RELB: variants seen among roughly 807,000 people sequenced by gnomAD.
The protein encoded by RELB is RELB proto-oncogene, NF-kB subunit.
Under a neutral mutation model 55.4 loss-of-function variants are expected in RELB, and 14 were observed. That is an observed-to-expected ratio of 0.25 (90% CI 0.17 to 0.40). The LOEUF is 0.40. Ranked by LOEUF, RELB falls within the 10% of genes least tolerant of loss-of-function variation. RELB has a pLI of 1.00. For synonymous variants in RELB, 409 were observed against 371.3 expected (o/e 1.10, Z -1.17); for missense variants, 669 against 830.7 (o/e 0.81, Z 2.39).
At chr19:45,025,979 T>C (rs1039792100) in intron 7 of RELB, among the ~76,000 whole-genome samples, 6 of 151,980 alleles carry the variant, frequency 3.9e-5, no homozygotes, top group African/African-American at 1.5e-4. Context: ...CGGTGGCTCA[T>C]GCCGGTAATC....
In RELB at chr19:45,025,687, G is replaced by T; in HGVS notation, c.836G>T (p.Gly279Val). 6.2e-7 allele frequency: 1 copy of T among 1,614,020 alleles called. No individual in the cohort carries two copies. The highest frequency in any genetic ancestry group is 8.5e-7 in the Non-Finnish European group (1 of 1,179,904). The change falls in exon 7 of 12, where the codon GGA becomes GTA. Residue 279 changes from glycine (G) to valine (V), a missense_variant. Around this residue, in one of 3 missense-constraint regions of RELB, gnomAD observed 341 missense variants for 436.8 expected, o/e 0.78. Coordinates refer to ENST00000221452, the MANE Select transcript of RELB (RefSeq NM_006509.4). ...CAGGCCTCATATCGGGACCAGCAGG[G>T]ACAGATGCGCCGGATGGATCCTGTG... Reference protein sequence around the residue: ...CFQASYRDQQGQMRRMDPVLS... With the variant: ...CFQASYRDQQVQMRRMDPVLS...
chr19:45,029,962 G>A (rs1971601290), intron 8 of RELB, among the ~76,000 whole-genome samples: 1 of 152,054 alleles, frequency 6.6e-6, no homozygotes, highest in Admixed American at 6.6e-5. Context: ...GAACTCAGGA[G>A]TTCGAGACCA....
At chr19:45,019,803 G>C (rs112380717) in intron 4 of RELB, among the ~76,000 whole-genome samples, 1,958 of 152,092 alleles carry the variant, frequency 0.013, 19 homozygotes, top group Non-Finnish European at 0.018. Context: ...TCAGCCTCCC[G>C]AGTAGCTGGG....
intron 1 of RELB, 80 bp from the exon 2 acceptor site, chr19:45,002,869 G>A: frequency 8.2e-7 from 1 of 1,217,794 alleles, no homozygotes; most frequent in Non-Finnish European, 1.2e-6. Context: ...AGAAGAGGAA[G>A]GGGTGGGGCT....
chr19:45,036,394 A>G (rs1409227781), intron 11 of RELB, among the ~76,000 whole-genome samples: 1 of 151,838 alleles, frequency 6.6e-6, no homozygotes, highest in African/African-American at 2.4e-5. Flanking sequence ...CTTATAATGA[A>G]ACTTTTTGAT....
Position 45,012,229 on chromosome 19 carries a change from C to A in RELB, c.457C>A (p.Leu153Ile), listed in dbSNP as rs1971370477. The change falls in exon 4 of 12, where the codon CTT (leucine) becomes ATT (isoleucine). Residue 153 changes from leucine to isoleucine, a missense_variant. Leu to Ile is a conservative substitution (Grantham distance 5). Transcript: ENST00000221452. ...ECEGRSAGSI[L>I]GESSTEASKT... Reference sequence around the variant, plus strand: ...CGAGGGCCGCTCGGCCGGCAGCATCCTTGGGGAGAGCAGCACCGAGGCCAG... The same window carrying A: ...CGAGGGCCGCTCGGCCGGCAGCATCATTGGGGAGAGCAGCACCGAGGCCAG... The A allele has an allele frequency of 6.7e-7, 1 of 1,482,506 alleles. No individual in the cohort carries two copies. The highest frequency in any genetic ancestry group is 2.6e-5 in the Admixed American group (1 of 38,596). The allele number at this position is 1,482,506 out of a possible 1,614,324, so 91.8% of individuals were successfully genotyped here.
chr19:45,007,883 G>A (rs1048865533), intron 2 of RELB, among the ~76,000 whole-genome samples: 3 of 147,830 alleles, frequency 2.0e-5, no homozygotes, highest in African/African-American at 5.0e-5. Context: ...TAGGCTGGGC[G>A]TGGTGGCTCA....
intron 2 of RELB, among the ~76,000 whole-genome samples, chr19:45,006,969 A>G (rs1249237823): frequency 1.3e-5 from 2 of 151,844 alleles, no homozygotes; most frequent in Non-Finnish European, 2.9e-5. Flanking sequence ...AAAAAAAAAA[A>G]AAAGAAAATG....
At position 45,011,916 on chromosome 19, in the gene RELB, C is replaced by A; in HGVS notation, c.164-20C>A. ...TTTTTAAAGAATGGGCGTCACCACC[C>A]GTTTTTTCTTCTCCCGCAGAGATCA... On this transcript the variant is annotated intron_variant, in intron 3 of 11. Coordinates refer to ENST00000221452, the MANE Select transcript of RELB (RefSeq NM_006509.4). 6.9e-7 allele frequency: 1 copy of A among 1,445,992 alleles called. No individual in the cohort carries two copies. Among genetic ancestry groups the A allele is most frequent in the Non-Finnish European group, 9.1e-7 (1 of 1,094,836 alleles). The allele number at this position is 1,445,992 out of a possible 1,614,324, so 89.6% of individuals were successfully genotyped here.
At chr19:45,004,683 C>A (rs544802167) in intron 2 of RELB, among the ~76,000 whole-genome samples, 68 of 151,322 alleles carry the variant, frequency 4.5e-4, no homozygotes, top group African/African-American at 1.6e-3. Context: ...GGCTGACCAA[C>A]ATGGAGAAAC....
At chr19:45,009,578 G>A (rs537563857) in intron 2 of RELB, among the ~76,000 whole-genome samples, 43 of 152,136 alleles carry the variant, frequency 2.8e-4, no homozygotes, top group Non-Finnish European at 5.0e-4. Flanking sequence ...GGCTTAGTTG[G>A]AGGATACCCT....
In RELB at chr19:45,012,603, G is replaced by C. The variant is rs150558321; in HGVS notation, c.504+327G>C. ...TACTAAAAGTACACAAATTAGCCGA[G>C]TGTGGTGGCACAATCCCAGCTATTT... On this transcript the variant is annotated intron_variant, in intron 4 of 11. Coordinates refer to ENST00000221452, the MANE Select transcript of RELB (RefSeq NM_006509.4). Among the ~76,000 whole-genome samples, 289 of 152,048 alleles carry C rather than the reference G, an allele frequency of 1.9e-3. 2 individuals carry two copies. The highest frequency in any genetic ancestry group is 6.7e-3 in the African/African-American group (276 of 41,502).
intron 2 of RELB, chr19:45,008,470 C>A (rs966030736): frequency 4.4e-6 from 2 of 456,144 alleles, no homozygotes; most frequent in Admixed American, 2.4e-5. Context: ...TCATCCAGCA[C>A]AGATGCCTAA....
intron 9 of RELB, among the ~76,000 whole-genome samples, 172 bp from the exon 10 acceptor site, chr19:45,034,072 T>A (rs938905615): frequency 4.0e-5 from 6 of 151,748 alleles, no homozygotes; most frequent in Admixed American, 3.9e-4. Flanking sequence ...GGCAGGAGAA[T>A]CACTTGAACC....
rs1273654353 is a variant in RELB, at chr19:45,011,793, TGTGTGAGAGAGAGAGAGAGA to T, written c.164-141_164-122del. On this transcript the variant is annotated intron_variant, in intron 3 of 11. Coordinates refer to ENST00000221452, the MANE Select transcript of RELB (RefSeq NM_006509.4). Reference sequence around the variant, plus strand: ...GTGTGTGTGTGTGTGTGTGTGTGTGTGTGTGAGAGAGAGAGAGAGAGAGAGAGAGAGAGAGAGAGAGATAA... The same window carrying T: ...GTGTGTGTGTGTGTGTGTGTGTGTGTGAGAGAGAGAGAGAGAGAGAGATAA... 491 of 227,968 alleles carry T rather than the reference TGTGTGAGAGAGAGAGAGAGA, an allele frequency of 2.2e-3. 3 individuals carry two copies. The highest frequency in any genetic ancestry group is 2.9e-3 in the Non-Finnish European group (397 of 135,988). 14.1% of individuals were successfully genotyped at this position (227,968 alleles called of 1,614,324 possible).
At chr19:45,028,597 G>A (rs991410861) in intron 7 of RELB, among the ~76,000 whole-genome samples, 6 of 152,124 alleles carry the variant, frequency 3.9e-5, no homozygotes, top group African/African-American at 1.2e-4. Context: ...GCCTCCCAAA[G>A]AGCTGGGATT....
intron 11 of RELB, 54 bp downstream of exon 11, chr19:45,034,582 G>A: frequency 6.7e-7 from 1 of 1,494,082 alleles, no homozygotes; most frequent in African/African-American, 1.4e-5. Flanking sequence ...GAGGGTAAGT[G>A]GCAGCCCTGC....
chr19:45,011,162 T>TTTA (rs1004684401), intron 3 of RELB, among the ~76,000 whole-genome samples: 3 of 149,592 alleles, frequency 2.0e-5, no homozygotes, highest in African/African-American at 7.4e-5. Flanking sequence ...TATTTATTTA[T>TTTA]TTATTATTAT....
intron 2 of RELB, among the ~76,000 whole-genome samples, chr19:45,004,160 C>T (rs950742985): frequency 4.0e-5 from 6 of 151,110 alleles, no homozygotes; most frequent in Non-Finnish European, 5.9e-5. Context: ...TCAGGTAATC[C>T]GCCCGCCTCA....
Sources: allele counts gnomAD v4.1 joint callset (sites outside exome capture counted in the v4.1 genomes callset), GRCh38; gene constraint gnomAD v4.1.1; regional missense constraint gnomAD v4.1.1; transcripts MANE v1.5; gene names NCBI Gene and HGNC (gene_info 2026-07-23, HGNC 2026-07-21).